Variants in PGCKA1 observed in about 807,000 individuals in gnomAD.
The protein encoded by PGCKA1 is PDCD10 and GCKIII kinases associated 1, also known as PDCD10 and GCKIII kinases-associated protein 1.
At chr4:37,489,764 T>C in the PGCKA1 span, among the ~76,000 whole-genome samples, 92,296 of 151,936 alleles carry the variant, frequency 0.61, 28,269 homozygotes, top group South Asian at 0.76. Context: ...CCTAAACCAA[T>C]GATTAGACTC....
the PGCKA1 span, among the ~76,000 whole-genome samples, chr4:37,493,998 C>T: frequency 6.6e-6 from 1 of 152,100 alleles, no homozygotes; most frequent in Non-Finnish European, 1.5e-5. Flanking sequence ...AGGTCGCTTC[C>T]AAATCATAGC....
the PGCKA1 span, among the ~76,000 whole-genome samples, chr4:37,487,385 T>C: frequency 2.0e-5 from 3 of 152,234 alleles, no homozygotes; most frequent in African/African-American, 7.2e-5. Flanking sequence ...TATCTTTTTA[T>C]TTAACTGTAT....
the PGCKA1 span, among the ~76,000 whole-genome samples, chr4:37,581,157 T>G: frequency 6.6e-6 from 1 of 151,936 alleles, no homozygotes; most frequent in African/African-American, 2.4e-5. This position sits in a 1 kb window ranked among gnomAD's most constrained non-coding sequence, Gnocchi z 4.4. Flanking sequence ...TGTGGTCAAG[T>G]GCAAATCCAG....
the PGCKA1 span, among the ~76,000 whole-genome samples, chr4:37,584,986 T>C: frequency 7.1e-6 from 1 of 140,112 alleles, no homozygotes; most frequent in Non-Finnish European, 1.5e-5. Flanking sequence ...TCTAAGCTCT[T>C]TTCTCCTTTT....
the PGCKA1 span, among the ~76,000 whole-genome samples, chr4:37,571,330 G>C: frequency 2.1e-5 from 3 of 145,374 alleles, no homozygotes; most frequent in African/African-American, 7.7e-5. Flanking sequence ...CTCTCTCCAT[G>C]GTCTAATTTA....
chr4:37,460,678 G>T, the PGCKA1 span: 2 of 411,014 alleles, frequency 4.9e-6, no homozygotes, highest in East Asian at 1.6e-4. Flanking sequence ...TTTTGATGGA[G>T]TTGTTTGGTC....
At chr4:37,488,878 C>T in the PGCKA1 span, among the ~76,000 whole-genome samples, 1 of 152,164 alleles carries the variant, frequency 6.6e-6, no homozygotes, top group Non-Finnish European at 1.5e-5. Flanking sequence ...GACCCTTGAA[C>T]AACACAGGTT....
chr4:37,509,798 C>CA, the PGCKA1 span, among the ~76,000 whole-genome samples: 28 of 151,666 alleles, frequency 1.8e-4, no homozygotes, highest in African/African-American at 6.8e-4. Context: ...CCGTCTCCAC[C>CA]AAAAAAATAC....
At chr4:37,589,489 A>G in the PGCKA1 span, among the ~76,000 whole-genome samples, 1 of 152,152 alleles carries the variant, frequency 6.6e-6, no homozygotes, top group Non-Finnish European at 1.5e-5. Flanking sequence ...TTCCACTGAG[A>G]GGATATACTC....
the PGCKA1 span, among the ~76,000 whole-genome samples, chr4:37,490,459 G>A: frequency 3.9e-5 from 6 of 152,170 alleles, 1 homozygote; most frequent in African/African-American, 7.2e-5. Flanking sequence ...CAAGAAGAGC[G>A]TTGACTTTAA....
chr4:37,459,029 T>G, the PGCKA1 span, among the ~76,000 whole-genome samples: 1 of 152,096 alleles, frequency 6.6e-6, no homozygotes, highest in Non-Finnish European at 1.5e-5. Flanking sequence ...GGGACTTGGG[T>G]GTGTCTGACT....
chr4:37,545,323 C>T, the PGCKA1 span, among the ~76,000 whole-genome samples: 2 of 152,266 alleles, frequency 1.3e-5, no homozygotes, highest in African/African-American at 4.8e-5. Flanking sequence ...CCCCTGCCCT[C>T]CACTGTGTGT....
At chr4:37,465,487 G>T in the PGCKA1 span, among the ~76,000 whole-genome samples, 1 of 152,132 alleles carries the variant, frequency 6.6e-6, no homozygotes, top group Non-Finnish European at 1.5e-5. Flanking sequence ...GCCCCAGAGA[G>T]GGGAGGGCGA....
chr4:37,507,407 C>T, the PGCKA1 span, among the ~76,000 whole-genome samples: 2 of 151,880 alleles, frequency 1.3e-5, no homozygotes, highest in African/African-American at 4.8e-5. Flanking sequence ...TCTCAGGTGG[C>T]ATTATTTCTT....
the PGCKA1 span, among the ~76,000 whole-genome samples, chr4:37,478,469 G>A: frequency 1.3e-5 from 2 of 152,228 alleles, no homozygotes; most frequent in African/African-American, 4.8e-5. Flanking sequence ...TAATTATTTG[G>A]CTGAAGTCCG....
chr4:37,538,718 A>G, the PGCKA1 span, among the ~76,000 whole-genome samples: 57 of 152,332 alleles, frequency 3.7e-4, no homozygotes, highest in African/African-American at 1.1e-3. Context: ...TTCCTGGTTT[A>G]TGATGGAGGA....
chr4:37,530,164 C>T, the PGCKA1 span, among the ~76,000 whole-genome samples: 1 of 152,206 alleles, frequency 6.6e-6, no homozygotes, highest in Non-Finnish European at 1.5e-5. Context: ...ACTTCTAGCA[C>T]GTAATAGACA....
chr4:37,580,104 C>A, the PGCKA1 span, among the ~76,000 whole-genome samples: 1 of 151,916 alleles, frequency 6.6e-6, no homozygotes, highest in Non-Finnish European at 1.5e-5. Context: ...TTTTTCAACT[C>A]CAGAATTTCT....
chr4:37,511,087 C>T, the PGCKA1 span, among the ~76,000 whole-genome samples: 1 of 151,988 alleles, frequency 6.6e-6, no homozygotes, highest in East Asian at 2.0e-4. Flanking sequence ...AAGCCTGGGA[C>T]TCACCCTTCA....
Sources: gnomAD v4.1 joint callset for allele counts (sites outside exome capture counted in the v4.1 genomes callset) on GRCh38, gnomAD v4.1.1 for gene constraint, Gnocchi (gnomAD v3.1) non-coding constraint, MANE v1.5 for transcripts, NCBI Gene and HGNC (gene_info 2026-07-23, HGNC 2026-07-21) for gene names.